The following PAM variants were observed in gnomAD, a reference collection of about 807,000 sequenced individuals.
PAM encodes the protein peptidyl-glycine alpha-amidating monooxygenase.
Under a neutral mutation model 122.1 loss-of-function variants are expected in PAM, and 72 were observed. The ratio of observed to expected loss-of-function variants is 0.59; its 90% CI spans 0.49 to 0.72. The LOEUF (loss-of-function observed/expected upper bound fraction) is 0.72, where lower values mean the gene tolerates loss of function less well. Among genes scored for constraint, PAM ranks in the 30% least tolerant of loss-of-function variants. The pLI, the probability that PAM is intolerant of heterozygous loss-of-function variation, is 0.00. For synonymous variants in PAM, 389 were observed against 404.4 expected, an observed-to-expected ratio of 0.96 and a Z score of 0.46; for missense variants, 1,106 against 1,183.7, an observed-to-expected ratio of 0.93 and a Z score of 0.96.
chr5:102,907,694 GTT>G lies in PAM; in HGVS notation c.269-6237_269-6236del, dbSNP rs936579982. On this transcript the variant is annotated intron_variant, in intron 4 of 25. Transcript: ENST00000438793. ...TGGTGTGAGATAGTATCTCATTGTG[GTT>G]TTGATTTGCATTTCTCTGATGGCCA... 2.5e-3 allele frequency among the ~76,000 whole-genome samples: 382 copies of G among 152,002 alleles called. 4 individuals carry two copies. The highest frequency in any genetic ancestry group is 8.6e-3 in the African/African-American group (355 of 41,480).
chr5:102,795,513 T>C (rs1763177302), intron 1 of PAM, among the ~76,000 whole-genome samples: 2 of 152,248 alleles, frequency 1.3e-5, no homozygotes. Flanking sequence ...GTGTTGTTAC[T>C]ATCTGTTTTG....
intron 1 of PAM, among the ~76,000 whole-genome samples, chr5:102,863,451 C>T (rs1294943625): frequency 6.6e-6 from 1 of 152,106 alleles, no homozygotes; most frequent in Admixed American, 6.5e-5. Flanking sequence ...TTCTTTCCTT[C>T]TTCAAAATTC....
intron 3 of PAM, among the ~76,000 whole-genome samples, chr5:102,872,876 G>C (rs1295598633): frequency 6.6e-6 from 1 of 152,094 alleles, no homozygotes; most frequent in African/African-American, 2.4e-5. Context: ...TCCTCAGTCA[G>C]TGCTAAAAAC....
chr5:102,990,189 T>G, intron 15 of PAM, 83 bp from the exon 16 acceptor site: 87 of 1,033,386 alleles, frequency 8.4e-5, no homozygotes, highest in Non-Finnish European at 1.1e-4. Context: ...TGTTATTGCA[T>G]GAGCTTCTTG....
chr5:102,771,372 CAAGTGGGAATGAAATTGA>C (rs1307804447), intron 1 of PAM, among the ~76,000 whole-genome samples: 1 of 151,944 alleles, frequency 6.6e-6, no homozygotes, highest in East Asian at 1.9e-4. Flanking sequence ...ACCCATTTGC[CAAGTGGGAATGAAATTGA>C]AGTTTATTGT....
intron 7 of PAM, among the ~76,000 whole-genome samples, chr5:102,946,330 T>G (rs1272500853): frequency 6.6e-6 from 1 of 152,082 alleles, no homozygotes; most frequent in African/African-American, 2.4e-5. Flanking sequence ...GGAAGAAATT[T>G]AAAGTCTCTA....
chr5:103,012,354 A>G (rs1442397454), intron 21 of PAM, among the ~76,000 whole-genome samples: 1 of 152,162 alleles, frequency 6.6e-6, no homozygotes, highest in Non-Finnish European at 1.5e-5. Flanking sequence ...GATGTCCTGA[A>G]GTGTTTCCCC....
At chr5:102,879,054 G>C (rs376858919) in intron 3 of PAM, among the ~76,000 whole-genome samples, 1 of 151,856 alleles carries the variant, frequency 6.6e-6, no homozygotes, top group Non-Finnish European at 1.5e-5. Flanking sequence ...TCAGCCTCCC[G>C]AGTAGCTGGG....
chr5:102,822,073 C>T (rs1040186784), intron 1 of PAM, among the ~76,000 whole-genome samples: 1 of 152,002 alleles, frequency 6.6e-6, no homozygotes, highest in African/African-American at 2.4e-5. Flanking sequence ...GGGTTAAATC[C>T]AGAGATAAAG....
At chr5:102,885,647 C>G (rs1792816321) in intron 3 of PAM, among the ~76,000 whole-genome samples, 1 of 151,850 alleles carries the variant, frequency 6.6e-6, no homozygotes, top group Non-Finnish European at 1.5e-5. Context: ...AAAATTGTGG[C>G]CAGAGGTGAG....
intron 3 of PAM, among the ~76,000 whole-genome samples, chr5:102,897,518 G>A (rs1326272045): frequency 1.3e-5 from 2 of 151,336 alleles, no homozygotes; most frequent in Non-Finnish European, 3.0e-5. Context: ...TTTATTGTTT[G>A]GTGTTTTGGT....
chr5:102,921,468 C>G (rs1314092085), intron 5 of PAM, among the ~76,000 whole-genome samples: 1 of 152,124 alleles, frequency 6.6e-6, no homozygotes, highest in Non-Finnish European at 1.5e-5. Context: ...ACTCAGTTCT[C>G]TCGCCCTTTT....
intron 1 of PAM, among the ~76,000 whole-genome samples, chr5:102,793,816 T>TGTAAGTAAAGAGTAAAAGTA (rs1762669998): frequency 6.6e-6 from 1 of 152,208 alleles, no homozygotes; most frequent in Non-Finnish European, 1.5e-5. Context: ...TTGTAGTGAT[T>TGTAAGTAAAGAGTAAAAGTA]ATAGTAAGAG....
chr5:102,913,819 A>G, intron 4 of PAM, 115 bp from the exon 5 acceptor site: 1 of 634,792 alleles, frequency 1.6e-6, no homozygotes, highest in South Asian at 1.9e-5. Context: ...GATCACAAGA[A>G]CATCAAAACA....
At chr5:102,766,477 G>A (rs1753987646) in intron 1 of PAM, among the ~76,000 whole-genome samples, 1 of 152,158 alleles carries the variant, frequency 6.6e-6, no homozygotes, top group Admixed American at 6.5e-5. Context: ...TCTGACAGGA[G>A]GTGGAGCTCA....
chr5:102,900,464 C>CTTGT (rs1268431921), intron 3 of PAM, among the ~76,000 whole-genome samples: 1 of 151,416 alleles, frequency 6.6e-6, no homozygotes, highest in Non-Finnish European at 1.5e-5. Context: ...CTTGAACCCC[C>CTTGT]TTGTTTTTTA....
intron 3 of PAM, among the ~76,000 whole-genome samples, chr5:102,891,846 G>A (rs1347223612): frequency 6.6e-6 from 1 of 151,808 alleles, no homozygotes; most frequent in Non-Finnish European, 1.5e-5. Context: ...ACATTGAAAT[G>A]GGCCTGGTTA....
intron 1 of PAM, among the ~76,000 whole-genome samples, chr5:102,855,256 C>T (rs1021635166): frequency 1.3e-5 from 2 of 151,944 alleles, no homozygotes; most frequent in Non-Finnish European, 2.9e-5. Flanking sequence ...AGAAAAATTT[C>T]CATATGTTTT....
chr5:102,915,213 T>C (rs1166600503), intron 5 of PAM, among the ~76,000 whole-genome samples: 2 of 152,124 alleles, frequency 1.3e-5, no homozygotes, highest in African/African-American at 4.8e-5. Flanking sequence ...CCTTACATAA[T>C]CATGTAGACT....
Sources: allele counts gnomAD v4.1 joint callset (sites outside exome capture counted in the v4.1 genomes callset), GRCh38; gene constraint gnomAD v4.1.1; transcripts MANE v1.5; gene names NCBI Gene and HGNC (gene_info 2026-07-23, HGNC 2026-07-21).